The following SWT1 variants were observed in gnomAD, a reference collection of about 807,000 sequenced individuals.
The protein encoded by SWT1 is SWT1 RNA endoribonuclease homolog.
Under a neutral mutation model 107.3 loss-of-function variants are expected in SWT1, and 33 were observed. That is an observed-to-expected ratio of 0.31 (90% CI 0.23 to 0.41). SWT1 has a LOEUF of 0.41. Ranked by LOEUF, SWT1 falls within the 10% of genes least tolerant of loss-of-function variation. The pLI is 1.00. For missense variants in SWT1, 898 were observed against 1,028.9 expected, an observed-to-expected ratio of 0.87 and a Z score of 1.74; for synonymous variants, 345 against 348.3, an observed-to-expected ratio of 0.99 and a Z score of 0.11.
chr1:185,270,496 G>A (rs1215678874), intron 16 of SWT1, among the ~76,000 whole-genome samples: 3 of 152,038 alleles, frequency 2.0e-5, no homozygotes, highest in African/African-American at 4.8e-5. Context: ...GAGTCCAGAC[G>A]TTTGAGACGG....
intron 1 of SWT1, chr1:185,157,601 G>A (rs1159165389): frequency 1.3e-5 from 2 of 152,578 alleles, no homozygotes; most frequent in African/African-American, 4.8e-5. Context: ...GAGCTTGCCT[G>A]TCCATCCAGC....
chr1:185,170,409 C>T (rs1451844953), intron 4 of SWT1, among the ~76,000 whole-genome samples: 1 of 152,198 alleles, frequency 6.6e-6, no homozygotes, highest in Non-Finnish European at 1.5e-5. Context: ...ACAATGACTT[C>T]TGACATTAAA....
At chr1:185,242,658 G>A (rs1661331257) in intron 16 of SWT1, among the ~76,000 whole-genome samples, 1 of 152,080 alleles carries the variant, frequency 6.6e-6, no homozygotes, top group Admixed American at 6.6e-5. Flanking sequence ...TCCAAATTAA[G>A]CAATTAAATA....
intron 1 of SWT1, 134 bp from the exon 2 acceptor site, chr1:185,160,699 C>CT (rs1253468578): frequency 3.1e-6 from 2 of 638,058 alleles, no homozygotes; most frequent in Admixed American, 6.4e-5. Context: ...GAGACTCCAT[C>CT]TCAAAAAAAA....
chr1:185,268,410 C>T (rs574124982), intron 16 of SWT1, among the ~76,000 whole-genome samples: 6 of 152,158 alleles, frequency 3.9e-5, no homozygotes, highest in African/African-American at 1.4e-4. Context: ...GATGGCCAGA[C>T]GGACAAGAAT....
At chr1:185,157,664 C>T (rs1378750743) in intron 1 of SWT1, 1 of 152,316 alleles carries the variant, frequency 6.6e-6, no homozygotes, top group Non-Finnish European at 1.5e-5. Flanking sequence ...TACACCGTGA[C>T]CCGAACACTC....
intron 16 of SWT1, among the ~76,000 whole-genome samples, chr1:185,256,387 G>A (rs1662520876): frequency 1.3e-5 from 2 of 149,432 alleles, no homozygotes; most frequent in South Asian, 4.2e-4. Flanking sequence ...TTCCAACTTG[G>A]TTCCATTCTC....
At chr1:185,269,814 A>C (rs1663719815) in intron 16 of SWT1, among the ~76,000 whole-genome samples, 2 of 152,224 alleles carry the variant, frequency 1.3e-5, no homozygotes, top group South Asian at 4.1e-4. Flanking sequence ...CAATTCTATG[A>C]TGGTGCAAAG....
intron 18 of SWT1, among the ~76,000 whole-genome samples, chr1:185,284,685 C>G (rs1370687850): frequency 6.6e-6 from 1 of 152,178 alleles, no homozygotes; most frequent in Non-Finnish European, 1.5e-5. Flanking sequence ...ATTGGCTATA[C>G]ATTTTTGAAT....
chr1:185,165,127 G>A (rs1488872184), intron 2 of SWT1, among the ~76,000 whole-genome samples: 3 of 152,256 alleles, frequency 2.0e-5, no homozygotes, highest in Admixed American at 2.0e-4. Context: ...AGAGACTGGC[G>A]AATGGGTGAT....
chr1:185,216,060 T>C (rs527533572), intron 14 of SWT1, among the ~76,000 whole-genome samples: 17 of 152,314 alleles, frequency 1.1e-4, no homozygotes, highest in African/African-American at 4.1e-4. Flanking sequence ...AAGGATTAGA[T>C]GATACTAACA....
chr1:185,173,492 C>T (rs556913269), intron 4 of SWT1, among the ~76,000 whole-genome samples: 11 of 136,102 alleles, frequency 8.1e-5, no homozygotes, highest in African/African-American at 2.8e-4. Flanking sequence ...CCCAGGAGTT[C>T]GACCAGCCTG....
intron 16 of SWT1, among the ~76,000 whole-genome samples, chr1:185,240,804 G>C (rs955493172): frequency 6.6e-6 from 1 of 151,944 alleles, no homozygotes; most frequent in Non-Finnish European, 1.5e-5. Flanking sequence ...GGTTTTTTGG[G>C]TGTGATTTGC....
intron 4 of SWT1, among the ~76,000 whole-genome samples, chr1:185,172,448 T>C (rs909529213): frequency 1.3e-5 from 2 of 152,242 alleles, no homozygotes; most frequent in Non-Finnish European, 2.9e-5. Flanking sequence ...TGTCACTTTT[T>C]AAAGTCATTT....
intron 16 of SWT1, among the ~76,000 whole-genome samples, chr1:185,249,681 C>G (rs781496527): frequency 2.6e-5 from 4 of 152,050 alleles, no homozygotes; most frequent in Non-Finnish European, 4.4e-5. Flanking sequence ...TCTCAACATT[C>G]GTGTTCCAAA....
At chr1:185,242,455 T>C (rs1196996327) in intron 16 of SWT1, among the ~76,000 whole-genome samples, 2 of 152,084 alleles carry the variant, frequency 1.3e-5, no homozygotes, top group Non-Finnish European at 2.9e-5. Context: ...CATTTGTCAT[T>C]CAAGAATTGG....
intron 16 of SWT1, among the ~76,000 whole-genome samples, chr1:185,260,303 T>A (rs1005283559): frequency 2.6e-5 from 4 of 152,160 alleles, no homozygotes; most frequent in African/African-American, 9.6e-5. Context: ...TATCTTTAAA[T>A]GGTGCTAGAG....
chr1:185,224,090 C>T (rs1487331020), intron 15 of SWT1, among the ~76,000 whole-genome samples: 3 of 152,174 alleles, frequency 2.0e-5, no homozygotes, highest in Non-Finnish European at 2.9e-5. Flanking sequence ...AAGTTTCTTA[C>T]ATATTCTGGA....
At chr1:185,267,764 T>C (rs1234531419) in intron 16 of SWT1, among the ~76,000 whole-genome samples, 1 of 152,224 alleles carries the variant, frequency 6.6e-6, no homozygotes, top group Non-Finnish European at 1.5e-5. Flanking sequence ...TCCCAAGGGC[T>C]AATTTCTTGA....
Sources: allele counts gnomAD v4.1 joint callset (sites outside exome capture counted in the v4.1 genomes callset), GRCh38; gene constraint gnomAD v4.1.1; transcripts MANE v1.5; gene names NCBI Gene and HGNC (gene_info 2026-07-23, HGNC 2026-07-21).